The following ZNF469 variants were observed in gnomAD, a reference collection of about 807,000 sequenced individuals.
The protein encoded by ZNF469 is zinc finger protein 469.
A neutral mutation model predicts 1.0 loss-of-function variants in ZNF469; 1 was observed. The observed-to-expected ratio is 1.00, with a 90% CI of 0.35 to 4.73. ZNF469 has a LOEUF of 4.73. Ranked by LOEUF, ZNF469 falls within the 30% of genes most tolerant of loss-of-function variation. The probability of loss-of-function intolerance (pLI) is 0.16; values close to 1 mark genes in which losing one functional copy is unlikely to be tolerated. For missense variants in ZNF469, 6,100 were observed against 5,356.3 expected, an observed-to-expected ratio of 1.14 and a Z score of -4.33; for synonymous variants, 2,703 against 2,363.4, an observed-to-expected ratio of 1.14 and a Z score of -4.17.
the ZNF469 span, among the ~76,000 whole-genome samples, chr16:88,321,022 T>G: frequency 6.6e-6 from 1 of 152,238 alleles, no homozygotes; most frequent in Non-Finnish European, 1.5e-5. Context: ...AGGCTGCCTT[T>G]CAGTATGAAA....
chr16:88,277,516 A>G, the ZNF469 span, among the ~76,000 whole-genome samples: 9 of 146,690 alleles, frequency 6.1e-5, no homozygotes, highest in African/African-American at 1.8e-4. Context: ...CCGTGTAGAT[A>G]TCAGTGCACG....
the ZNF469 span, among the ~76,000 whole-genome samples, chr16:88,170,359 C>T: frequency 1.3e-4 from 20 of 152,174 alleles, no homozygotes; most frequent in African/African-American, 4.8e-4. This position sits in a 1 kb window ranked among gnomAD's most constrained non-coding sequence, Gnocchi z 4.2. Flanking sequence ...GAACTAGAGT[C>T]ACCAGGCTGT....
intron 1 of ZNF469, among the ~76,000 whole-genome samples, chr16:88,422,098 TGG>T (rs1905478936): frequency 6.9e-6 from 1 of 144,496 alleles, no homozygotes. Context: ...GGTGGATGGA[TGG>T]ATGGATGGAT....
chr16:88,114,263 C>G, the ZNF469 span, among the ~76,000 whole-genome samples: 1 of 136,876 alleles, frequency 7.3e-6, no homozygotes. Context: ...GCGGGTGTCT[C>G]CGGGGAGAAT....
At chr16:88,309,361 G>C in the ZNF469 span, among the ~76,000 whole-genome samples, 1 of 152,008 alleles carries the variant, frequency 6.6e-6, no homozygotes, top group East Asian at 1.9e-4. Flanking sequence ...CTGACGGGGG[G>C]AGTGCCCTCT....
chr16:88,314,002 G>A, the ZNF469 span, among the ~76,000 whole-genome samples: 1 of 150,092 alleles, frequency 6.7e-6, no homozygotes, highest in Non-Finnish European at 1.5e-5. Flanking sequence ...ATGCTGGTGT[G>A]GACTGTCATC....
chr16:88,270,692 C>G, the ZNF469 span, among the ~76,000 whole-genome samples: 1 of 152,228 alleles, frequency 6.6e-6, no homozygotes, highest in African/African-American at 2.4e-5. Context: ...CTCCAGGCTG[C>G]TTTCCTCTGC....
the ZNF469 span, among the ~76,000 whole-genome samples, chr16:88,276,773 C>T: frequency 3.9e-5 from 6 of 152,194 alleles, no homozygotes; most frequent in Non-Finnish European, 7.4e-5. Flanking sequence ...TGCCACCCTA[C>T]GCTGACACTA....
chr16:88,229,439 C>T, the ZNF469 span, among the ~76,000 whole-genome samples: 1 of 152,246 alleles, frequency 6.6e-6, no homozygotes, highest in African/African-American at 2.4e-5. Context: ...TTGGAGGCAG[C>T]TTGTTTTCCG....
chr16:88,397,635 G>GATA (rs1567500441), intron 1 of ZNF469, among the ~76,000 whole-genome samples: 4 of 88,462 alleles, frequency 4.5e-5, no homozygotes, highest in African/African-American at 2.1e-4. Context: ...ATGGATGGAT[G>GATA]GATGGATGGA....
At chr16:88,227,997 G>T in the ZNF469 span, among the ~76,000 whole-genome samples, 1 of 152,196 alleles carries the variant, frequency 6.6e-6, no homozygotes, top group Admixed American at 6.5e-5. Flanking sequence ...CGCATCCATC[G>T]TTACAGGGCG....
the ZNF469 span, among the ~76,000 whole-genome samples, chr16:88,367,058 A>G: frequency 1.3e-5 from 2 of 152,148 alleles, no homozygotes; most frequent in African/African-American, 4.8e-5. Flanking sequence ...CACCATCATC[A>G]TCTTCACTTG....
the ZNF469 span, among the ~76,000 whole-genome samples, chr16:88,358,327 C>T: frequency 6.6e-6 from 1 of 152,216 alleles, no homozygotes; most frequent in South Asian, 2.1e-4. Context: ...TCTTCCCACC[C>T]GGCCTCCAGG....
At chr16:88,302,724 C>T in the ZNF469 span, among the ~76,000 whole-genome samples, 2 of 152,182 alleles carry the variant, frequency 1.3e-5, no homozygotes. Context: ...GACTCCGAGG[C>T]CCCTGTCCCT....
At chr16:88,124,876 G>A in the ZNF469 span, among the ~76,000 whole-genome samples, 26 of 152,208 alleles carry the variant, frequency 1.7e-4, no homozygotes, top group Non-Finnish European at 2.4e-4. Context: ...GAGCCACTGC[G>A]CCCGGCCAAG....
the ZNF469 span, among the ~76,000 whole-genome samples, chr16:88,235,999 A>G: frequency 1.3e-5 from 2 of 152,350 alleles, no homozygotes; most frequent in East Asian, 3.9e-4. Flanking sequence ...CAATTGGTTG[A>G]GAGAGTTAAG....
chr16:88,328,994 C>T, the ZNF469 span, among the ~76,000 whole-genome samples: 3 of 152,172 alleles, frequency 2.0e-5, no homozygotes, highest in African/African-American at 4.8e-5. Context: ...GACGTTCACC[C>T]GCAGCCGGAG....
Position 88,430,373 on chromosome 16 carries a change from GGT to G in ZNF469, c.2904_2905del (p.Ser969GlyfsTer29). 1 of 1,516,978 alleles carries G rather than the reference GGT, an allele frequency of 6.6e-7. No homozygotes were observed. The highest frequency in any genetic ancestry group is 8.8e-7 in the Non-Finnish European group (1 of 1,136,322). The allele number at this position is 1,516,978 out of a possible 1,614,324, so 94.0% of individuals were successfully genotyped here. ...TCGGGCGGCGCAGCAGAGGGGTCGG[GGT>G]CGGGCGGCGGCGGCAGAGCCTCCGG... On this transcript the variant is annotated frameshift_variant, in exon 3 of 3. Transcript: ENST00000565624. LOFTEE classifies it low-confidence loss of function (END_TRUNC).
At chr16:88,331,391 A>G in the ZNF469 span, among the ~76,000 whole-genome samples, 1 of 149,596 alleles carries the variant, frequency 6.7e-6, no homozygotes, top group Non-Finnish European at 1.5e-5. Flanking sequence ...CACCATCACC[A>G]TCACTACCAT....
Sources: allele counts gnomAD v4.1 joint callset (sites outside exome capture counted in the v4.1 genomes callset), GRCh38; gene constraint gnomAD v4.1.1; non-coding constraint Gnocchi (gnomAD v3.1); transcripts MANE v1.5; gene names NCBI Gene and HGNC (gene_info 2026-07-23, HGNC 2026-07-21).